Variants in ULK4 observed in about 807,000 individuals in gnomAD.
The protein encoded by ULK4 is unc-51 like kinase 4, also known as inactive serine/threonine-protein kinase ULK4.
Under a neutral mutation model 160.6 loss-of-function variants are expected in ULK4, and 133 were observed. The ratio of observed to expected loss-of-function variants is 0.83; its 90% CI spans 0.72 to 0.96. ULK4 has a LOEUF of 0.96. ULK4 is among the 40% of genes least tolerant of loss of function. ULK4 has a pLI of 0.00. For missense variants in ULK4, 1,580 were observed against 1,499.5 expected (o/e 1.05, Z -0.89); for synonymous variants, 534 against 539.8 (o/e 0.99, Z 0.15).
At chr3:41,756,782 T>C (rs781410500) in intron 21 of ULK4, among the ~76,000 whole-genome samples, 229 of 152,322 alleles carry the variant, frequency 1.5e-3, no homozygotes, top group Non-Finnish European at 1.7e-3. Context: ...ACTGATTACA[T>C]ATGCATATTG....
intron 32 of ULK4, among the ~76,000 whole-genome samples, chr3:41,551,739 A>G (rs11721301): frequency 0.51 from 77,504 of 151,774 alleles, 19,899 homozygotes; most frequent in Middle Eastern, 0.57. Context: ...GCAAAGAAAT[A>G]AAAAGAAGAT....
intron 31 of ULK4, among the ~76,000 whole-genome samples, chr3:41,574,160 C>T (rs924039240): frequency 6.6e-6 from 1 of 152,144 alleles, no homozygotes; most frequent in Non-Finnish European, 1.5e-5. Flanking sequence ...GCCTGGGCAA[C>T]AAGAGCGAAA....
chr3:41,292,650 G>GAA (rs1426854875), intron 35 of ULK4, among the ~76,000 whole-genome samples: 1 of 151,744 alleles, frequency 6.6e-6, no homozygotes, highest in Non-Finnish European at 1.5e-5. Context: ...CTCAAAAAAA[G>GAA]AAAAAGAAAA....
At chr3:41,681,397 T>A in intron 29 of ULK4, 111 bp downstream of exon 29, 1 of 1,436,938 alleles carries the variant, frequency 7.0e-7, no homozygotes. Flanking sequence ...CAAGCATATG[T>A]GTATAAACAT....
At chr3:41,420,925 C>G (rs1241216472) in intron 34 of ULK4, among the ~76,000 whole-genome samples, 1 of 151,478 alleles carries the variant, frequency 6.6e-6, no homozygotes, top group Non-Finnish European at 1.5e-5. Flanking sequence ...ACCAGCCTGG[C>G]CAACAAGACG....
At chr3:41,913,176 T>A in intron 8 of ULK4, 1 of 256,786 alleles carries the variant, frequency 3.9e-6, no homozygotes, top group Non-Finnish European at 7.2e-6. Flanking sequence ...GTCTGGTTTC[T>A]CCAACCAGCC....
At chr3:41,768,221 C>T (rs947449520) in intron 21 of ULK4, among the ~76,000 whole-genome samples, 1 of 152,042 alleles carries the variant, frequency 6.6e-6, no homozygotes, top group South Asian at 2.1e-4. Context: ...CGAAATTGGT[C>T]CCTGGTGCCA....
intron 35 of ULK4, among the ~76,000 whole-genome samples, chr3:41,316,885 T>G (rs925237889): frequency 1.1e-4 from 17 of 152,154 alleles, no homozygotes; most frequent in African/African-American, 4.1e-4. Context: ...ACTCAAATCT[T>G]TATTAAGTAA....
intron 21 of ULK4, among the ~76,000 whole-genome samples, chr3:41,757,007 A>G (rs2038825581): frequency 6.6e-6 from 1 of 152,138 alleles, no homozygotes. Flanking sequence ...AAATACAAAA[A>G]ATGTTAAATG....
intron 25 of ULK4, among the ~76,000 whole-genome samples, chr3:41,706,902 G>T (rs137865706): frequency 0.036 from 5,216 of 142,962 alleles, 168 homozygotes; most frequent in Admixed American, 0.1. Flanking sequence ...TATATATATA[G>T]AGAGAGAGAG....
chr3:41,844,138 A>T (rs546814119), intron 17 of ULK4, among the ~76,000 whole-genome samples: 6 of 152,248 alleles, frequency 3.9e-5, no homozygotes, highest in Non-Finnish European at 5.9e-5. Context: ...CCGCAGGTGG[A>T]GCTGCCTGCC....
intron 35 of ULK4, among the ~76,000 whole-genome samples, chr3:41,364,300 C>T (rs1306809550): frequency 1.3e-5 from 2 of 152,140 alleles, no homozygotes; most frequent in Non-Finnish European, 2.9e-5. Context: ...ACTCAATACT[C>T]CCCACTCTAC....
chr3:41,617,900 T>A (rs2033054002), intron 30 of ULK4, among the ~76,000 whole-genome samples: 1 of 152,156 alleles, frequency 6.6e-6, no homozygotes, highest in South Asian at 2.1e-4. Flanking sequence ...AACTGCTTAC[T>A]AGAATAAGCA....
intron 35 of ULK4, among the ~76,000 whole-genome samples, chr3:41,271,392 TC>T (rs1182243879): frequency 1.0e-3 from 137 of 137,622 alleles, no homozygotes; most frequent in African/African-American, 4.4e-3. Context: ...TATCAATAGT[TC>T]TTTTTTTTTT....
At chr3:41,509,704 A>C (rs2125922891) in intron 32 of ULK4, among the ~76,000 whole-genome samples, 1 of 152,318 alleles carries the variant, frequency 6.6e-6, no homozygotes, top group South Asian at 2.1e-4. Context: ...TTCAGCCAAG[A>C]ATTTTGTATC....
rs769793230 is a variant in ULK4, at chr3:41,912,867, A to T, written c.836T>A (p.Phe279Tyr). 6.2e-7 allele frequency: 1 copy of T among 1,614,130 alleles called. No homozygotes were observed. Among genetic ancestry groups the T allele is most frequent in the African/African-American group, 1.3e-5 (1 of 75,048 alleles). ...LTWTRLLQHSFWKKAFAGADQ... is the reference protein window; with the variant it reads ...LTWTRLLQHSYWKKAFAGADQ... ...TGCTCCAGCAAAAGCTTTCTTCCAA[A>T]ATGAATGCTGCAGTAGCCTTGTCCA... is the stretch of plus-strand genomic sequence containing the variant. The change falls in exon 9 of 37, where the codon TTT becomes TAT. Residue 279 changes from phenylalanine (F) to tyrosine (Y), a missense_variant. Phe to Tyr is a conservative substitution (Grantham distance 22). Coordinates refer to ENST00000301831, the MANE Select transcript of ULK4 (RefSeq NM_017886.4).
intron 25 of ULK4, among the ~76,000 whole-genome samples, chr3:41,705,812 G>A (rs1022715680): frequency 1.3e-5 from 2 of 152,060 alleles, no homozygotes; most frequent in Non-Finnish European, 2.9e-5. Flanking sequence ...TTGGAATAAA[G>A]TCAATGTTAA....
chr3:41,856,601 ATG>A lies in ULK4; in HGVS notation c.1657-20632_1657-20631del, dbSNP rs1371969098. 3.2e-3 allele frequency among the ~76,000 whole-genome samples: 270 copies of A among 85,524 alleles called. 7 individuals carry two copies. The highest frequency in any genetic ancestry group is 0.015 in the African/African-American group (246 of 16,534). The allele number at this position is 85,524 out of a possible 152,430, so 56.1% of individuals were successfully genotyped here. ...TGTATATATATACACATATATATAT[ATG>A]TGTATATATATACACATATATATAT... On this transcript the variant is annotated intron_variant, in intron 17 of 36. Transcript: ENST00000301831.
At chr3:41,392,991 T>C (rs986552089) in intron 35 of ULK4, among the ~76,000 whole-genome samples, 5 of 152,122 alleles carry the variant, frequency 3.3e-5, no homozygotes, top group African/African-American at 1.2e-4. Context: ...GCATATCCAA[T>C]CTCATGCAGT....
Sources: allele counts gnomAD v4.1 joint callset (sites outside exome capture counted in the v4.1 genomes callset), GRCh38; gene constraint gnomAD v4.1.1; transcripts MANE v1.5; gene names NCBI Gene and HGNC (gene_info 2026-07-23, HGNC 2026-07-21).